Variants in CCDC33 observed in about 807,000 individuals in gnomAD.
CCDC33 encodes the protein coiled-coil domain-containing protein 33.
A neutral mutation model predicts 91.9 loss-of-function variants in CCDC33; 94 were observed. The ratio of observed to expected loss-of-function variants is 1.02; its 90% CI spans 0.87 to 1.21. CCDC33 has a LOEUF of 1.21. CCDC33 is among the 50% of genes most tolerant of loss of function. CCDC33 has a pLI of 0.00. For missense variants in CCDC33, 940 were observed against 935.5 expected (o/e 1.00, Z -0.06); for synonymous variants, 396 against 374.5 (o/e 1.06, Z -0.66).
upstream of CCDC33, among the ~76,000 whole-genome samples, chr15:74,214,975 C>G (rs17386715): frequency 0.46 from 70,189 of 152,124 alleles, 16,908 homozygotes; most frequent in South Asian, 0.66. Context: ...AGCGTGGGCA[C>G]ACAAACATGA....
chr15:74,228,169 G>T (rs1277771719), intron 2 of CCDC33, among the ~76,000 whole-genome samples: 7 of 152,206 alleles, frequency 4.6e-5, no homozygotes, highest in African/African-American at 1.7e-4. Flanking sequence ...AGGGGAAGCA[G>T]CTGGACCCAC....
chr15:74,211,731 T>A (rs2074371098), intron 2 of CCDC33, among the ~76,000 whole-genome samples: 1 of 151,978 alleles, frequency 6.6e-6, no homozygotes, highest in African/African-American at 2.4e-5. Flanking sequence ...CTGGTTGTCC[T>A]CCTGTCTGCC....
intron 6 of CCDC33, 134 bp downstream of exon 6, chr15:74,271,928 T>C (rs1357258151): frequency 1.5e-6 from 1 of 679,036 alleles, no homozygotes. Flanking sequence ...CCTTCAAGCC[T>C]CTCCATTGGG....
At chr15:74,224,082 T>C (rs143138087) in intron 2 of CCDC33, among the ~76,000 whole-genome samples, 28 of 152,266 alleles carry the variant, frequency 1.8e-4, no homozygotes, top group African/African-American at 6.7e-4. Flanking sequence ...GGCACTGTCA[T>C]GGCGTTCTCA....
At position 74,316,468 on chromosome 15, in the gene CCDC33, G is replaced by A. The variant is rs1313822143; in HGVS notation, c.1291-13721G>A. 2.0e-5 allele frequency among the ~76,000 whole-genome samples: 3 copies of A among 152,242 alleles called. No individual in the cohort carries two copies. In the East Asian group the frequency reaches 5.8e-4, roughly 29 times the overall value. ...CCCGAGGATGGGAGCAGACTCAATC[G>A]ATTGGCGCACAGCAGGCAGGGGAGG... On this transcript the variant is annotated intron_variant, in intron 11 of 18. Transcript: ENST00000398814. This position sits in a 1 kb window ranked among gnomAD's most constrained non-coding sequence, Gnocchi z 4.7.
chr15:74,232,091 A>G (rs1005759562), upstream of CCDC33, among the ~76,000 whole-genome samples: 1 of 152,128 alleles, frequency 6.6e-6, no homozygotes, highest in Non-Finnish European at 1.5e-5. Flanking sequence ...GCGCAGGTCA[A>G]CTCTTGGCAT....
chr15:74,249,477 G>C (rs978746000), intron 2 of CCDC33, among the ~76,000 whole-genome samples: 1 of 147,858 alleles, frequency 6.8e-6, no homozygotes, highest in East Asian at 2.0e-4. Flanking sequence ...GACAGAGCGA[G>C]GCTCCGTCTA....
chr15:74,272,898 C>G lies in CCDC33; in HGVS notation c.759+7C>G. ...CCAGAACGGATGCCCTCAGGTATGT[C>G]TCCTCCCCAGTGGTTCCAGCTTCCT... On this transcript the variant is annotated splice_region_variant and intron_variant, in intron 7 of 18. Coordinates refer to ENST00000398814, the MANE Select transcript of CCDC33 (RefSeq NM_025055.5). 1 of 1,614,156 alleles carries G rather than the reference C, an allele frequency of 6.2e-7. No individual in the cohort carries two copies. Among genetic ancestry groups the G allele is most frequent in the South Asian group, 1.1e-5 (1 of 91,066 alleles).
intron 2 of CCDC33, among the ~76,000 whole-genome samples, chr15:74,223,735 C>T (rs1402111607): frequency 1.0e-5 from 1 of 98,426 alleles, no homozygotes; most frequent in East Asian, 4.3e-4. Context: ...CACACACACA[C>T]ACACACACAC....
At chr15:74,264,032 A>AC in intron 3 of CCDC33, among the ~76,000 whole-genome samples, 1 of 151,954 alleles carries the variant, frequency 6.6e-6, no homozygotes, top group East Asian at 1.9e-4. Context: ...AAGGTCAGTG[A>AC]CCCCAGGGCC....
At chr15:74,248,075 T>TA (rs966077291) in intron 2 of CCDC33, among the ~76,000 whole-genome samples, 52 of 145,606 alleles carry the variant, frequency 3.6e-4, no homozygotes, top group Admixed American at 5.5e-4. Flanking sequence ...AGACTCCGTC[T>TA]AAAAAAAAAA....
chr15:74,308,250 A>T (rs2059927648), intron 11 of CCDC33, among the ~76,000 whole-genome samples: 1 of 151,274 alleles, frequency 6.6e-6, no homozygotes, highest in Non-Finnish European at 1.5e-5. Flanking sequence ...TAGCTTGGTG[A>T]CTCTATCAGG....
intron 7 of CCDC33, among the ~76,000 whole-genome samples, chr15:74,277,384 G>A (rs1210913232): frequency 6.6e-6 from 1 of 152,236 alleles, no homozygotes; most frequent in Non-Finnish European, 1.5e-5. Flanking sequence ...GGATGTGGGT[G>A]GGCCCAGGGG....
At position 74,334,978 on chromosome 15, in the gene CCDC33, G is replaced by C; in HGVS notation, c.2029G>C (p.Glu677Gln). The C allele has an allele frequency of 6.2e-7, 1 of 1,613,474 alleles. No individual in the cohort carries two copies. Among genetic ancestry groups the C allele is most frequent in the South Asian group, 1.1e-5 (1 of 91,068 alleles). Reference sequence around the variant, plus strand: ...TTGTCCCTCTCTGTGTCTGCAGTTAGAGGACTCAGCTCGACGCTGGGGACG... The same window carrying C: ...TTGTCCCTCTCTGTGTCTGCAGTTACAGGACTCAGCTCGACGCTGGGGACG... The part of the protein sequence containing the change: ...SRILSLESQL[E>Q]DSARRWGREK... Residue 677 changes from glutamate (E) to glutamine (Q), a missense_variant, in exon 18 of 19, where the codon GAG (glutamate) becomes CAG (glutamine). Transcript: ENST00000398814.
At chr15:74,210,527 A>T (rs1055576373) in intron 2 of CCDC33, among the ~76,000 whole-genome samples, 2 of 152,258 alleles carry the variant, frequency 1.3e-5, no homozygotes, top group African/African-American at 4.8e-5. Context: ...AATCTGGCAG[A>T]CACACAGCAA....
At chr15:74,208,033 A>C in intron 1 of CCDC33, 5 of 1,354,258 alleles carry the variant, frequency 3.7e-6, no homozygotes, top group Non-Finnish European at 4.8e-6. Flanking sequence ...TGCCCCCCTC[A>C]CCAACAGCAT....
At chr15:74,285,300 C>T (rs2059451456) in intron 10 of CCDC33, among the ~76,000 whole-genome samples, 1 of 152,220 alleles carries the variant, frequency 6.6e-6, no homozygotes, top group Non-Finnish European at 1.5e-5. Context: ...TACCACGTCA[C>T]CCATTCTCAG....
At chr15:74,304,257 G>C (rs1328461910) in intron 11 of CCDC33, 1 of 152,220 alleles carries the variant, frequency 6.6e-6, no homozygotes, top group East Asian at 1.9e-4. Context: ...AAACTGTAAA[G>C]GGCTGTCCAC....
At chr15:74,314,087 A>G (rs895616051) in intron 11 of CCDC33, among the ~76,000 whole-genome samples, 1 of 151,024 alleles carries the variant, frequency 6.6e-6, no homozygotes, top group Non-Finnish European at 1.5e-5. Flanking sequence ...CACCTGACAA[A>G]CTCCTACTCA....
Sources: allele counts gnomAD v4.1 joint callset (sites outside exome capture counted in the v4.1 genomes callset), GRCh38; gene constraint gnomAD v4.1.1; non-coding constraint Gnocchi (gnomAD v3.1); transcripts MANE v1.5; gene names NCBI Gene and HGNC (gene_info 2026-07-23, HGNC 2026-07-21).